MAGI2: variants seen among roughly 807,000 people sequenced by gnomAD.
MAGI2 encodes the protein membrane associated guanylate kinase, WW and PDZ domain containing 2, also known as membrane-associated guanylate kinase, WW and PDZ domain-containing protein 2.
In MAGI2, 35 loss-of-function variants were observed where a neutral mutation model predicts 133.3. The observed-to-expected ratio is 0.26, with a 90% CI of 0.20 to 0.35. The LOEUF (loss-of-function observed/expected upper bound fraction) is 0.35. MAGI2 is among the 10% of genes least tolerant of loss of function. The pLI, the probability that MAGI2 is intolerant of heterozygous loss-of-function variation, is 1.00. For missense variants in MAGI2, 1,636 were observed against 1,863.4 expected (o/e 0.88, Z 2.25); for synonymous variants, 729 against 710.6 (o/e 1.03, Z -0.41).
At chr7:78,506,587 A>T (rs570380432) in intron 4 of MAGI2, among the ~76,000 whole-genome samples, 13 of 152,294 alleles carry the variant, frequency 8.5e-5, no homozygotes, top group East Asian at 5.8e-4. Context: ...TGAGAAAATT[A>T]AAAAAACTTC....
chr7:78,206,810 A>T (rs912870011), intron 10 of MAGI2, among the ~76,000 whole-genome samples: 1 of 152,346 alleles, frequency 6.6e-6, no homozygotes, highest in South Asian at 2.1e-4. Flanking sequence ...ACTAAATATG[A>T]TGGAGATGCT....
intron 2 of MAGI2, among the ~76,000 whole-genome samples, chr7:78,631,655 G>A (rs1809017579): frequency 6.6e-6 from 1 of 152,182 alleles, no homozygotes; most frequent in South Asian, 2.1e-4. Context: ...ACATGGGCTT[G>A]CCTTGATGGA....
rs545866491 is a variant in MAGI2, at chr7:78,495,007, G to T, written c.966-5167C>A. On this transcript the variant is annotated intron_variant, in intron 5 of 21. Transcript: ENST00000354212. ...AAACAAGGTTCAGGTAAATATTCTG[G>T]AGTCAACAGCAACTCAAAATGTCTG... 2.8e-3 allele frequency among the ~76,000 whole-genome samples: 422 copies of T among 152,254 alleles called. 2 individuals carry two copies. The highest frequency in any genetic ancestry group is 9.9e-3 in the African/African-American group (410 of 41,542).
intron 2 of MAGI2, among the ~76,000 whole-genome samples, chr7:78,653,857 T>A (rs1811853420): frequency 6.6e-6 from 1 of 152,078 alleles, no homozygotes. Context: ...TCCATCCTCA[T>A]TAGACTTTTA....
intron 20 of MAGI2, among the ~76,000 whole-genome samples, chr7:78,124,376 T>C (rs117221126): frequency 0.023 from 3,460 of 152,312 alleles, 60 homozygotes; most frequent in Admixed American, 0.036. Context: ...CAGCCCTGCC[T>C]GGGTTTAAAT....
intron 1 of MAGI2, among the ~76,000 whole-genome samples, chr7:79,344,692 G>T (rs901866222): frequency 1.3e-5 from 2 of 152,130 alleles, no homozygotes; most frequent in Admixed American, 6.6e-5. Context: ...ATGCTTTGGT[G>T]GATGGAAGAC....
At chr7:79,248,447 T>C (rs1007631896) in intron 1 of MAGI2, among the ~76,000 whole-genome samples, 3 of 152,172 alleles carry the variant, frequency 2.0e-5, no homozygotes, top group African/African-American at 7.2e-5. Context: ...ATTTTCAGCA[T>C]TGGACAGATC....
intron 6 of MAGI2, among the ~76,000 whole-genome samples, chr7:78,372,765 C>T (rs1341731049): frequency 6.6e-6 from 1 of 152,126 alleles, no homozygotes; most frequent in Non-Finnish European, 1.5e-5. Flanking sequence ...CTAGCTTTGC[C>T]TGGATTCTGG....
chr7:78,823,909 TCACACACACA>T (rs151269215), intron 2 of MAGI2, among the ~76,000 whole-genome samples: 2 of 148,052 alleles, frequency 1.4e-5, no homozygotes, highest in Admixed American at 6.8e-5. Flanking sequence ...GGATTTCACA[TCACACACACA>T]CACACACACA....
In MAGI2 at chr7:79,453,361, G is replaced by C; in HGVS notation, c.-41C>G. 6.4e-7 allele frequency: 1 copy of C among 1,556,798 alleles called. No individual in the cohort carries two copies. On this transcript the variant is annotated 5_prime_UTR_variant, in exon 1 of 22. Transcript: ENST00000354212. The stretch of plus-strand genomic sequence containing the variant: ...CGCCTCAGTTCCTGGGCTCCTTGGG[G>C]TTAGGGGGGCTGGTGGTGAGAGAAT...
chr7:78,765,623 G>A (rs962147374), intron 2 of MAGI2, among the ~76,000 whole-genome samples: 4 of 151,908 alleles, frequency 2.6e-5, no homozygotes, highest in Non-Finnish European at 5.9e-5. Flanking sequence ...CTGAGATTAC[G>A]GGTGTGAGCC....
intron 2 of MAGI2, among the ~76,000 whole-genome samples, chr7:78,667,818 CTT>C (rs1292043685): frequency 5.3e-5 from 8 of 152,092 alleles, no homozygotes; most frequent in Admixed American, 5.2e-4. Context: ...GGTTCCAAGT[CTT>C]TGCTATTGTG....
chr7:79,432,428 A>C (rs1847839819), intron 1 of MAGI2, among the ~76,000 whole-genome samples: 1 of 152,200 alleles, frequency 6.6e-6, no homozygotes, highest in South Asian at 2.1e-4. Context: ...AGCTTTTTCC[A>C]TGAGCCTGAG....
At chr7:78,591,108 T>C (rs966449707) in intron 3 of MAGI2, among the ~76,000 whole-genome samples, 2 of 152,066 alleles carry the variant, frequency 1.3e-5, no homozygotes, top group African/African-American at 2.4e-5. Flanking sequence ...AGAGAGGAAA[T>C]AAAATATGTA....
chr7:78,249,358 G>A (rs13230444), intron 10 of MAGI2, among the ~76,000 whole-genome samples: 23,562 of 151,998 alleles, frequency 0.16, 2,351 homozygotes, highest in Middle Eastern at 0.26. Context: ...ATTCTACTGG[G>A]TATATATCTG....
At chr7:78,547,833 G>A (rs764010520) in intron 3 of MAGI2, among the ~76,000 whole-genome samples, 12 of 152,166 alleles carry the variant, frequency 7.9e-5, no homozygotes, top group Admixed American at 2.0e-4. Flanking sequence ...TTCTGACATC[G>A]ATGTTATAAT....
intron 1 of MAGI2, among the ~76,000 whole-genome samples, chr7:79,277,461 G>A (rs970543048): frequency 6.6e-6 from 1 of 151,976 alleles, no homozygotes; most frequent in Non-Finnish European, 1.5e-5. Context: ...TATTGTGGTG[G>A]TCTGGACCCA....
intron 2 of MAGI2, among the ~76,000 whole-genome samples, chr7:78,800,224 C>G (rs1341660315): frequency 6.6e-6 from 1 of 152,080 alleles, no homozygotes; most frequent in Non-Finnish European, 1.5e-5. Flanking sequence ...ACTTTTATAA[C>G]AAACAACCCT....
intron 1 of MAGI2, among the ~76,000 whole-genome samples, chr7:79,122,101 G>A (rs1819953509): frequency 6.6e-6 from 1 of 152,114 alleles, no homozygotes; most frequent in African/African-American, 2.4e-5. Context: ...TTGCTGGAAG[G>A]GGTCTCATTG....
Sources: gnomAD v4.1 joint callset for allele counts (sites outside exome capture counted in the v4.1 genomes callset) on GRCh38, gnomAD v4.1.1 for gene constraint, MANE v1.5 for transcripts, NCBI Gene and HGNC (gene_info 2026-07-23, HGNC 2026-07-21) for gene names.